Variants in TIE1 observed in about 807,000 individuals in gnomAD.
The protein encoded by TIE1 is tyrosine kinase with immunoglobulin like and EGF like domains 1, also known as tyrosine-protein kinase receptor Tie-1.
TIE1 carries 89 observed loss-of-function variants against 130.5 expected under a neutral mutation model. The ratio of observed to expected loss-of-function variants is 0.68; its 90% CI spans 0.57 to 0.81. TIE1 has a LOEUF of 0.81. Ranked by LOEUF, TIE1 falls within the 40% of genes least tolerant of loss-of-function variation. TIE1 has a pLI of 0.00. For missense variants in TIE1, 1,392 were observed against 1,559.8 expected (o/e 0.89, Z 1.81); for synonymous variants, 568 against 629.4 (o/e 0.90, Z 1.46).
chr1:43,319,842 C>T lies in TIE1; in HGVS notation c.3107+313C>T, dbSNP rs1158349960. On this transcript the variant is annotated intron_variant, in intron 19 of 22. Transcript: ENST00000372476. This position sits in a 1 kb window ranked among gnomAD's most constrained non-coding sequence, Gnocchi z 4.7. ...CTTCCTGAGGTAGATGGAGAGGCCA[C>T]TCAGGAATTGCTCTCATCTTCCTCC... is the stretch of plus-strand genomic sequence containing the variant. 2.6e-6 allele frequency: 1 copy of T among 385,836 alleles called. No individual in the cohort carries two copies. Among genetic ancestry groups the T allele is most frequent in the Non-Finnish European group, 4.9e-6 (1 of 204,650 alleles). The allele number at this position is 385,836 out of a possible 1,614,324, so 23.9% of individuals were successfully genotyped here. A position where few individuals can be genotyped will look rare whatever the true frequency, so the allele number is the denominator to read the frequency against.
In TIE1 at chr1:43,313,118, C is replaced by T. The variant is rs1384401638; in HGVS notation, c.1928-17C>T. Reference sequence around the variant, plus strand: ...CCGGTCCTATCTGAGCCTTGCCTTCCCCCACCATCTCCCCAGGGCCTCCAG... The same window carrying T: ...CCGGTCCTATCTGAGCCTTGCCTTCTCCCACCATCTCCCCAGGGCCTCCAG... On this transcript the variant is annotated splice_polypyrimidine_tract_variant and intron_variant, in intron 12 of 22. Coordinates refer to ENST00000372476, the MANE Select transcript of TIE1 (RefSeq NM_005424.5). The surrounding 1 kb of genome is among the most constrained non-coding windows in gnomAD (Gnocchi z 6.2). The T allele has an allele frequency of 1.3e-6, 2 of 1,590,878 alleles. No individual in the cohort carries two copies. The highest frequency in any genetic ancestry group is 1.7e-6 in the Non-Finnish European group (2 of 1,169,528).
chr1:43,314,276 T>C, intron 14 of TIE1: 1 of 905,286 alleles, frequency 1.1e-6, no homozygotes, highest in Non-Finnish European at 1.5e-6. Flanking sequence ...CAATTGGAGA[T>C]TTTCCTCTCC....
chr1:43,301,824 G>A (rs1038017438), intron 1 of TIE1, among the ~76,000 whole-genome samples: 1 of 152,188 alleles, frequency 6.6e-6, no homozygotes, highest in Non-Finnish European at 1.5e-5. Context: ...AGCTGAGATC[G>A]CGCCACTGCA....
Position 43,307,154 on chromosome 1 carries a change from G to T in TIE1, c.653G>T (p.Gly218Val). 1.9e-6 allele frequency: 3 copies of T among 1,614,088 alleles called. No homozygotes were observed. Among genetic ancestry groups the T allele is most frequent in the Non-Finnish European group, 2.5e-6 (3 of 1,180,006 alleles). Residue 218 changes from glycine (G) to valine (V), a missense_variant, in exon 5 of 23, where the codon GGG becomes GTG. Around this residue, in one of 6 missense-constraint regions of TIE1, gnomAD observed 415 missense variants for 424.8 expected, o/e 0.98. Coordinates refer to ENST00000372476, the MANE Select transcript of TIE1 (RefSeq NM_005424.5). The surrounding 1 kb of genome is among the most constrained non-coding windows in gnomAD (Gnocchi z 5.4). ...CACCTTCCTCCAGGTTGTGGGGCTG[G>T]GCGCTGGGGGCCAGGCTGTACCAAG... ...FRLIVRGCGA[G>V]RWGPGCTKEC... is the part of the protein sequence containing the mutation.
Position 43,318,070 on chromosome 1 carries a change from C to T in TIE1, c.2920C>T (p.Gln974Ter). Residue 974 changes from glutamine to a stop codon, truncating the protein, a stop_gained and splice_region_variant, in exon 17 of 23, where the codon CAG becomes TAG. Transcript: ENST00000372476. LOFTEE classifies it high-confidence loss of function. This position sits in a 1 kb window ranked among gnomAD's most constrained non-coding sequence, Gnocchi z 4.4. ...TGGCATGCAGTACCTGAGTGAGAAG[C>T]AGGTGTGTGTGAGTGGGGGCGGGTG... The part of the protein sequence containing the change: ...ANGMQYLSEK[Q>*]FIHRDLAARN... 6.5e-7 allele frequency: 1 copy of T among 1,543,472 alleles called. No individual in the cohort carries two copies. The highest frequency in any genetic ancestry group is 1.3e-5 in the South Asian group (1 of 79,168).
chr1:43,317,987 G>C lies in TIE1; in HGVS notation c.2837G>C (p.Gly946Ala). ...ETDPAFAREHGTASTLSSRQL... is the reference protein window; with the variant it reads ...ETDPAFAREHATASTLSSRQL... ...GACCCAGCTTTTGCTCGAGAGCATG[G>C]GACAGCCTCTACCCTTAGCTCCCGG... The change falls in exon 17 of 23, where the codon GGG (glycine) becomes GCG (alanine). Residue 946 changes from glycine to alanine, a missense_variant. Gly to Ala is a moderately conservative substitution (Grantham distance 60). Around this residue, in one of 6 missense-constraint regions of TIE1, gnomAD observed 286 missense variants for 354.4 expected, o/e 0.81. Coordinates refer to ENST00000372476, the MANE Select transcript of TIE1 (RefSeq NM_005424.5). This position sits in a 1 kb window ranked among gnomAD's most constrained non-coding sequence, Gnocchi z 5.1. 6.2e-7 allele frequency: 1 copy of C among 1,611,198 alleles called. No individual in the cohort carries two copies. The highest frequency in any genetic ancestry group is 8.5e-7 in the Non-Finnish European group (1 of 1,178,456).
At chr1:43,311,399 C>G (rs1191366804) in intron 9 of TIE1, among the ~76,000 whole-genome samples, 1 of 152,016 alleles carries the variant, frequency 6.6e-6, no homozygotes, top group African/African-American at 2.4e-5. Context: ...TCTACCCCCA[C>G]ACTGCATGGG....
At chr1:43,301,641 C>G (rs1017992108) in intron 1 of TIE1, among the ~76,000 whole-genome samples, 2 of 151,406 alleles carry the variant, frequency 1.3e-5, no homozygotes, top group African/African-American at 4.9e-5. Flanking sequence ...GGAGGCCGAG[C>G]GGGTGGATCA....
At chr1:43,308,735 A>C in intron 7 of TIE1, 1 of 591,598 alleles carries the variant, frequency 1.7e-6, no homozygotes, top group Non-Finnish European at 3.1e-6. Flanking sequence ...GCTGGCTGGG[A>C]GGATGGTGAG....
At position 43,317,825 on chromosome 1, in the gene TIE1, C is replaced by T; in HGVS notation, c.2732-57C>T. On this transcript the variant is annotated intron_variant, in intron 16 of 22. Coordinates refer to ENST00000372476, the MANE Select transcript of TIE1 (RefSeq NM_005424.5). This position sits in a 1 kb window ranked among gnomAD's most constrained non-coding sequence, Gnocchi z 5.1. ...CCTGTCTGTTACCATCGGGTGCCTG[C>T]TCCCACCCTAGGTTGCCTGTGTCTA... 2 of 1,591,330 alleles carry T rather than the reference C, an allele frequency of 1.3e-6. No individual in the cohort carries two copies. Among genetic ancestry groups the T allele is most frequent in the East Asian group, 2.2e-5 (1 of 44,728 alleles).
chr1:43,321,552 T>A, intron 21 of TIE1, 60 bp downstream of exon 21: 1 of 1,561,662 alleles, frequency 6.4e-7, no homozygotes, highest in South Asian at 1.2e-5. Flanking sequence ...ACCTCAGCTT[T>A]GATCCCTGTG....
At position 43,313,594 on chromosome 1, in the gene TIE1, C is replaced by T. The variant is rs900001645; in HGVS notation, c.2218+169C>T. 8.3e-6 allele frequency: 9 copies of T among 1,084,662 alleles called. No homozygotes were observed. Among genetic ancestry groups the T allele is most frequent in the Admixed American group, 5.4e-5 (2 of 37,262 alleles). 67.2% of individuals were successfully genotyped at this position (1,084,662 alleles called of 1,614,324 possible). ...GCCTTCCATTCTCATGATCCACTGT[C>T]CCAGGGCTGGGAAAATCATGTCGCC... is the stretch of plus-strand genomic sequence containing the variant. On this transcript the variant is annotated intron_variant, in intron 13 of 22. Transcript: ENST00000372476. The surrounding 1 kb of genome is among the most constrained non-coding windows in gnomAD (Gnocchi z 6.2).
intron 7 of TIE1, chr1:43,308,775 G>C (rs138551599): frequency 8.8e-6 from 6 of 684,908 alleles, no homozygotes; most frequent in Non-Finnish European, 2.7e-6. Flanking sequence ...AGACGGTATC[G>C]GGAAGTGGGG....
chr1:43,318,234 T>C lies in TIE1; in HGVS notation c.2922+162T>C, dbSNP rs1570450918. On this transcript the variant is annotated intron_variant, in intron 17 of 22. Transcript: ENST00000372476. The surrounding 1 kb of genome is among the most constrained non-coding windows in gnomAD (Gnocchi z 4.4). ...CGAGGAGGCAGGGCCAAGGGGCAGG[T>C]CTGGAGGAGGTGGGGACTTCCAGTA... Among the ~76,000 whole-genome samples, 1 of 152,146 alleles carries C rather than the reference T, an allele frequency of 6.6e-6. No homozygotes were observed. The highest frequency in any genetic ancestry group is 2.4e-5 in the African/African-American group (1 of 41,442).
chr1:43,307,008 G>A lies in TIE1; in HGVS notation c.640+13G>A. ...CTCATCGTGCGGGGTCAGAGGCAGAGGGCAGAGGTTGTGGGTAGGGTGGGA... is the reference window on the plus strand; with the variant it reads ...CTCATCGTGCGGGGTCAGAGGCAGAAGGCAGAGGTTGTGGGTAGGGTGGGA... On this transcript the variant is annotated intron_variant, in intron 4 of 22. Transcript: ENST00000372476. This position sits in a 1 kb window ranked among gnomAD's most constrained non-coding sequence, Gnocchi z 5.4. 6.2e-7 allele frequency: 1 copy of A among 1,613,774 alleles called. No homozygotes were observed.
intron 9 of TIE1, among the ~76,000 whole-genome samples, chr1:43,310,316 G>A (rs961075737): frequency 3.3e-5 from 5 of 152,146 alleles, no homozygotes; most frequent in Non-Finnish European, 7.3e-5. Flanking sequence ...GACAACCTGG[G>A]CTTGAATCCT....
At chr1:43,320,132 C>T (rs145188634) in intron 19 of TIE1, 99 of 160,016 alleles carry the variant, frequency 6.2e-4, no homozygotes, top group Non-Finnish European at 1.1e-3. Context: ...ATTCCCTCCA[C>T]CCCCTTTGAA....
intron 19 of TIE1, chr1:43,320,662 CTGACA>C (rs2153913060): frequency 6.6e-6 from 1 of 152,288 alleles, no homozygotes; most frequent in East Asian, 1.9e-4. Flanking sequence ...ACCATCCTGG[CTGACA>C]CAGTGAAACC....
In TIE1 at chr1:43,309,139, C is replaced by G; in HGVS notation, c.1188+8C>G. ...GACGGCACTGTGCTCCTGGTCAGCC[C>G]CCAATCACCCCAACCCACCAGCCCC... On this transcript the variant is annotated splice_region_variant and intron_variant, in intron 8 of 22. Coordinates refer to ENST00000372476, the MANE Select transcript of TIE1 (RefSeq NM_005424.5). This position sits in a 1 kb window ranked among gnomAD's most constrained non-coding sequence, Gnocchi z 6.3. 3 of 1,580,304 alleles carry G rather than the reference C, an allele frequency of 1.9e-6. No homozygotes were observed. Among genetic ancestry groups the G allele is most frequent in the Non-Finnish European group, 2.6e-6 (3 of 1,159,570 alleles).
Sources: gnomAD v4.1 joint callset for allele counts (sites outside exome capture counted in the v4.1 genomes callset) on GRCh38, gnomAD v4.1.1 for gene constraint, gnomAD v4.1.1 regional missense constraint, Gnocchi (gnomAD v3.1) non-coding constraint, MANE v1.5 for transcripts, NCBI Gene and HGNC (gene_info 2026-07-23, HGNC 2026-07-21) for gene names.